OTUD4: variants seen among roughly 807,000 people sequenced by gnomAD.
OTUD4 encodes the protein OTU deubiquitinase 4.
Under a neutral mutation model 130.4 loss-of-function variants are expected in OTUD4, and 24 were observed. The observed-to-expected ratio is 0.18, with a 90% CI of 0.13 to 0.26. OTUD4 has a LOEUF of 0.26. Among genes scored for constraint, OTUD4 ranks in the 10% least tolerant of loss-of-function variants. The pLI is 1.00. For missense variants in OTUD4, 1,031 were observed against 1,329.4 expected (o/e 0.78, Z 3.49); for synonymous variants, 420 against 472.5 (o/e 0.89, Z 1.44).
chr4:145,176,478 G>GAAA, intron 1 of OTUD4, among the ~76,000 whole-genome samples: 1 of 150,632 alleles, frequency 6.6e-6, no homozygotes, highest in African/African-American at 2.4e-5. Context: ...CTGAGGTCAG[G>GAAA]AGTTTGAGAC....
At position 145,135,689 on chromosome 4, in the gene OTUD4, T is replaced by G. The variant is rs1424956849; in HGVS notation, c.*1741A>C. ...TTTTCCACACAACCATCCCAGTCTTTACAATTTTTTACCTAGCACCATCAT... is the reference window on the plus strand; with the variant it reads ...TTTTCCACACAACCATCCCAGTCTTGACAATTTTTTACCTAGCACCATCAT... On this transcript the variant is annotated 3_prime_UTR_variant, in exon 21 of 21. Coordinates refer to ENST00000447906, the MANE Select transcript of OTUD4 (RefSeq NM_001366057.1). 1.3e-5 allele frequency: 2 copies of G among 152,638 alleles called. No homozygotes were observed. The allele number at this position is 152,638 out of a possible 1,614,324, so 9.5% of individuals were successfully genotyped here.
chr4:145,145,651 A>C (rs1388800031), intron 14 of OTUD4, among the ~76,000 whole-genome samples: 3 of 152,182 alleles, frequency 2.0e-5, no homozygotes, highest in African/African-American at 7.2e-5. Context: ...CAGACATGAG[A>C]ATGAATTAGG....
At chr4:145,149,679 G>A (rs1028652309) in intron 13 of OTUD4, 2 of 152,138 alleles carry the variant, frequency 1.3e-5, no homozygotes, top group African/African-American at 2.4e-5. Flanking sequence ...AATGTTAAGT[G>A]CATTCACAAA....
In OTUD4 at chr4:145,162,677, A is replaced by G. The variant is rs1438767411; in HGVS notation, c.459T>C (p.Tyr153=). 1 of 1,566,224 alleles carries G rather than the reference A, an allele frequency of 6.4e-7. No homozygotes were observed. Among genetic ancestry groups the G allele is most frequent in the Non-Finnish European group, 8.7e-7 (1 of 1,146,734 alleles). Residue 153 remains tyrosine (Y), a synonymous_variant, in exon 6 of 21, where the codon TAT becomes TAC. Coordinates refer to ENST00000447906, the MANE Select transcript of OTUD4 (RefSeq NM_001366057.1). ...FSNGNHYDIV[Y]PIKYKESSAM... is the part of the protein sequence containing the mutation. ...CAGAGCTTTCTTTATACTTTATGGG[A>G]TACACAATATCATAATGATTTCCAT...
Position 145,146,386 on chromosome 4 carries a change from G to T in OTUD4, c.1303C>A (p.Arg435=). Residue 435 remains arginine, a synonymous_variant, in exon 14 of 21, where the codon CGA becomes AGA. Transcript: ENST00000447906. ...ERVEDFDHTS[R]ESNYFGLSPE... is the part of the protein sequence containing the mutation. ...GAAAGGCCGAAATAGTTAGATTCTC[G>T]ACTTGTGTGATCAAAATCCTCAACT... 6.3e-7 allele frequency: 1 copy of T among 1,579,970 alleles called. No individual in the cohort carries two copies.
chr4:145,172,278 G>A (rs1188629490), intron 2 of OTUD4, among the ~76,000 whole-genome samples: 2 of 152,348 alleles, frequency 1.3e-5, no homozygotes, highest in Middle Eastern at 3.4e-3. Flanking sequence ...AGTGACCAGT[G>A]TGTAGAAGGG....
intron 3 of OTUD4, among the ~76,000 whole-genome samples, chr4:145,165,649 G>T (rs1038409640): frequency 1.2e-4 from 19 of 152,004 alleles, no homozygotes; most frequent in African/African-American, 4.6e-4. Context: ...AGCTAATTTT[G>T]TATTTTTAGT....
chr4:145,174,956 T>G (rs557615384), intron 1 of OTUD4, among the ~76,000 whole-genome samples: 1 of 152,360 alleles, frequency 6.6e-6, no homozygotes, highest in East Asian at 1.9e-4. Flanking sequence ...TACTACTTCT[T>G]AAGCCAAATT....
intron 14 of OTUD4, among the ~76,000 whole-genome samples, chr4:145,144,722 T>C (rs1750739167): frequency 6.6e-6 from 1 of 152,094 alleles, no homozygotes; most frequent in South Asian, 2.1e-4. Flanking sequence ...GAACAAACCT[T>C]TACCCTACAA....
chr4:145,160,904 G>A (rs36225152), intron 6 of OTUD4, among the ~76,000 whole-genome samples: 1 of 152,068 alleles, frequency 6.6e-6, no homozygotes. Context: ...GAGGTCAGGG[G>A]TTTAAGACCA....
chr4:145,137,767 T>G lies in OTUD4; in HGVS notation c.3008A>C (p.Asp1003Ala), dbSNP rs576045401. Residue 1003 changes from aspartate to alanine, a missense_variant, in exon 21 of 21, where the codon GAT becomes GCT. Transcript: ENST00000447906. The part of the protein sequence containing the change: ...EKVKDPKTAA[D>A]VVSPGANSVD... Reference sequence around the variant, plus strand: ...AGAGTTGGCCCCAGGGCTGACCACATCAGCAGCAGTCTTAGGATCTTTTAC... The same window carrying G: ...AGAGTTGGCCCCAGGGCTGACCACAGCAGCAGCAGTCTTAGGATCTTTTAC... 2 of 1,614,100 alleles carry G rather than the reference T, an allele frequency of 1.2e-6. No homozygotes were observed. Among genetic ancestry groups the G allele is most frequent in the East Asian group, 2.2e-5 (1 of 44,862 alleles).
intron 7 of OTUD4, among the ~76,000 whole-genome samples, chr4:145,156,887 GTTTT>G (rs1401306693): frequency 6.6e-6 from 1 of 152,082 alleles, no homozygotes; most frequent in Non-Finnish European, 1.5e-5. Flanking sequence ...TTACACACAG[GTTTT>G]TTGTTTCAAC....
intron 6 of OTUD4, among the ~76,000 whole-genome samples, chr4:145,162,236 T>G (rs1157912119): frequency 6.6e-6 from 1 of 152,164 alleles, no homozygotes; most frequent in Non-Finnish European, 1.5e-5. Flanking sequence ...AGAATAGAAT[T>G]ATTTGCTCTG....
intron 6 of OTUD4, among the ~76,000 whole-genome samples, chr4:145,162,177 A>G (rs563355074): frequency 3.0e-4 from 45 of 152,218 alleles, no homozygotes; most frequent in Non-Finnish European, 5.9e-4. Flanking sequence ...TTATAATATT[A>G]ATACTCTTGG....
intron 10 of OTUD4, among the ~76,000 whole-genome samples, chr4:145,153,389 C>T (rs926695791): frequency 1.1e-4 from 17 of 152,128 alleles, no homozygotes; most frequent in Admixed American, 3.3e-4. Flanking sequence ...CTTCAGTTTC[C>T]TCATAATGCA....
intron 2 of OTUD4, among the ~76,000 whole-genome samples, chr4:145,174,272 G>A (rs1752318181): frequency 6.6e-6 from 1 of 152,048 alleles, no homozygotes; most frequent in South Asian, 2.1e-4. Flanking sequence ...TGCCCAGACT[G>A]AATTTTTTTT....
intron 3 of OTUD4, among the ~76,000 whole-genome samples, chr4:145,169,468 T>C (rs2126800193): frequency 6.6e-6 from 1 of 152,300 alleles, no homozygotes; most frequent in African/African-American, 2.4e-5. Context: ...CAGCCATATA[T>C]TAGGAAGGCA....
In OTUD4 at chr4:145,169,219, C is replaced by G. The variant is rs559670368; in HGVS notation, c.294+2451G>C. 4.1e-4 allele frequency among the ~76,000 whole-genome samples: 63 copies of G among 152,332 alleles called. 1 individual carries two copies. The highest frequency in any genetic ancestry group is 3.4e-3 in the Middle Eastern group (1 of 294). On this transcript the variant is annotated intron_variant, in intron 3 of 20. Transcript: ENST00000447906. ...TTTATGATGTTTGCTGTGGTGGTTA[C>G]ATGAGCATATACACTTGTCAAATCT...
At chr4:145,146,496 C>A in intron 13 of OTUD4, 67 bp from the exon 14 acceptor site, 9 of 904,498 alleles carry the variant, frequency 1.0e-5, no homozygotes, top group Non-Finnish European at 1.1e-5. Context: ...ATAAAACATT[C>A]TTGTCAAAAA....
Sources: allele counts gnomAD v4.1 joint callset (sites outside exome capture counted in the v4.1 genomes callset), GRCh38; gene constraint gnomAD v4.1.1; transcripts MANE v1.5; gene names NCBI Gene and HGNC (gene_info 2026-07-23, HGNC 2026-07-21).